The following CHMP3 variants were observed in gnomAD, a reference collection of about 807,000 sequenced individuals.
CHMP3 encodes the protein 25.1 protein.
CHMP3 carries 8 observed loss-of-function variants against 27.4 expected under a neutral mutation model. That is an observed-to-expected ratio of 0.29 (90% CI 0.17 to 0.53). CHMP3 has a LOEUF of 0.53. CHMP3 is among the 20% of genes least tolerant of loss of function. The pLI is 0.96. For missense variants in CHMP3, 208 were observed against 271.5 expected (o/e 0.77, Z 1.64); for synonymous variants, 86 against 85.5 (o/e 1.01, Z -0.03).
intron 2 of CHMP3, among the ~76,000 whole-genome samples, chr2:86,530,796 A>C (rs987937988): frequency 6.6e-6 from 1 of 152,236 alleles, no homozygotes; most frequent in Non-Finnish European, 1.5e-5. Context: ...AACAGTATAC[A>C]AAGTTCCAAT....
intron 1 of CHMP3, among the ~76,000 whole-genome samples, chr2:86,554,616 C>T (rs183873069): frequency 6.6e-6 from 1 of 152,270 alleles, no homozygotes; most frequent in Non-Finnish European, 1.5e-5. Context: ...CAAATCAGTT[C>T]AATCCCTTTA....
intron 3 of CHMP3, among the ~76,000 whole-genome samples, chr2:86,519,059 C>A (rs1220486005): frequency 2.0e-5 from 3 of 152,122 alleles, no homozygotes; most frequent in Non-Finnish European, 1.5e-5. Context: ...CTCCATGTGG[C>A]TGTTTCTTAT....
At chr2:86,559,232 T>C (rs549607121) in intron 1 of CHMP3, among the ~76,000 whole-genome samples, 1 of 152,234 alleles carries the variant, frequency 6.6e-6, no homozygotes, top group Non-Finnish European at 1.5e-5. Context: ...ACCCGTCTCC[T>C]GCTCTTAGAC....
intron 1 of CHMP3, among the ~76,000 whole-genome samples, chr2:86,543,445 G>A (rs76417413): frequency 0.046 from 7,048 of 152,252 alleles, 225 homozygotes; most frequent in Non-Finnish European, 0.064. Flanking sequence ...TATCACAAAA[G>A]ATTCTGCAAA....
At chr2:86,509,420 T>G (rs1480171689) in intron 4 of CHMP3, among the ~76,000 whole-genome samples, 1 of 152,182 alleles carries the variant, frequency 6.6e-6, no homozygotes, top group African/African-American at 2.4e-5. Context: ...TTCTATGTCA[T>G]TTTTCTGCAA....
At chr2:86,529,088 A>G in intron 3 of CHMP3, 130 bp downstream of exon 3, 1 of 1,038,360 alleles carries the variant, frequency 9.6e-7, no homozygotes, top group Non-Finnish European at 1.3e-6. Flanking sequence ...TTGCATTTCT[A>G]CAACACTCAA....
intron 1 of CHMP3, among the ~76,000 whole-genome samples, chr2:86,554,849 ATTTT>A (rs70956122): frequency 7.8e-6 from 1 of 127,792 alleles, no homozygotes; most frequent in Non-Finnish European, 1.6e-5. Context: ...GTGTGTGTAG[ATTTT>A]TTTTTTTTTT....
At chr2:86,559,423 A>G (rs2104064508) in intron 1 of CHMP3, among the ~76,000 whole-genome samples, 2 of 152,296 alleles carry the variant, frequency 1.3e-5, no homozygotes, top group South Asian at 2.1e-4. Flanking sequence ...GTCAATTTCC[A>G]TATTAAATTC....
chr2:86,537,155 G>T (rs750915712), intron 2 of CHMP3, among the ~76,000 whole-genome samples: 3 of 152,158 alleles, frequency 2.0e-5, no homozygotes, highest in Non-Finnish European at 4.4e-5. Flanking sequence ...GTTAGCCATT[G>T]CACCCAGTCT....
intron 2 of CHMP3, among the ~76,000 whole-genome samples, chr2:86,530,745 T>G (rs1392980261): frequency 6.6e-6 from 1 of 152,228 alleles, no homozygotes; most frequent in Non-Finnish European, 1.5e-5. Flanking sequence ...GGAACAGCTG[T>G]ACTGTTTTTC....
At position 86,545,923 on chromosome 2, in the gene CHMP3, C is replaced by T. The variant is rs558383063; in HGVS notation, c.46-3611G>A. 1.4e-4 allele frequency among the ~76,000 whole-genome samples: 21 copies of T among 151,906 alleles called. 1 individual carries two copies. The Middle Eastern group carries it at 0.01, about 74-fold the overall frequency. ...GGCTCCTCACATCCCAGAGGATGGG[C>T]GGCCAGGCAGAGACACTCCTCACTT... On this transcript the variant is annotated intron_variant, in intron 1 of 5. Coordinates refer to ENST00000263856, the MANE Select transcript of CHMP3 (RefSeq NM_016079.4).
intron 3 of CHMP3, among the ~76,000 whole-genome samples, chr2:86,516,632 AC>A (rs1314659389): frequency 2.6e-5 from 4 of 152,266 alleles, no homozygotes; most frequent in Non-Finnish European, 5.9e-5. Flanking sequence ...GAGAAGGCCT[AC>A]AATGGGTAAA....
intron 1 of CHMP3, among the ~76,000 whole-genome samples, chr2:86,549,934 T>G (rs1007956016): frequency 5.0e-5 from 7 of 139,218 alleles, no homozygotes; most frequent in East Asian, 2.4e-4. Context: ...TCCCAGACAA[T>G]GGGCGGCTGG....
At position 86,563,372 on chromosome 2, in the gene CHMP3, C is replaced by A. The variant is rs756070143; in HGVS notation, c.-24G>T. The A allele has an allele frequency of 6.2e-7, 1 of 1,612,922 alleles. No individual in the cohort carries two copies. Among genetic ancestry groups the A allele is most frequent in the Admixed American group, 1.7e-5 (1 of 59,922 alleles). On this transcript the variant is annotated 5_prime_UTR_variant, in exon 1 of 6. It adds an upstream start codon to the 5' untranslated region. Coordinates refer to ENST00000263856, the MANE Select transcript of CHMP3 (RefSeq NM_016079.4). ...ATGACGAACTGAACCCGTCTTGCCC[C>A]TTCCGGCTTTCAGTTCCCCGCGCCC...
chr2:86,507,669 C>T (rs1046312357), intron 4 of CHMP3, 76 bp from the exon 5 acceptor site: 24 of 1,282,532 alleles, frequency 1.9e-5, no homozygotes, highest in Middle Eastern at 1.9e-4. Context: ...TCACCTAGAC[C>T]GAGCTCTAGC....
intron 3 of CHMP3, among the ~76,000 whole-genome samples, chr2:86,517,444 T>TAGTCC (rs1432618298): frequency 5.9e-5 from 9 of 151,382 alleles, no homozygotes; most frequent in African/African-American, 2.2e-4. Flanking sequence ...CGGGCACCTG[T>TAGTCC]AGTCCCAGCT....
intron 3 of CHMP3, among the ~76,000 whole-genome samples, chr2:86,513,579 T>C (rs550194415): frequency 6.6e-6 from 1 of 152,322 alleles, no homozygotes; most frequent in East Asian, 1.9e-4. Flanking sequence ...TGACAGTGAA[T>C]GAGGCTATGC....
In CHMP3 at chr2:86,558,416, T is replaced by C. The variant is rs141656530; in HGVS notation, c.45+4888A>G. Among the ~76,000 whole-genome samples, 402 of 152,346 alleles carry C rather than the reference T, an allele frequency of 2.6e-3. 3 individuals are homozygous for C. Among genetic ancestry groups the C allele is most frequent in the African/African-American group, 9.2e-3 (383 of 41,586 alleles). ...TTTCCCTAGAGAGTTCCTTGAAACA[T>C]TGCTCATCTTGGGACTACCTGACCT... On this transcript the variant is annotated intron_variant, in intron 1 of 5. Coordinates refer to ENST00000263856, the MANE Select transcript of CHMP3 (RefSeq NM_016079.4).
chr2:86,516,252 A>G (rs536927821), intron 3 of CHMP3, among the ~76,000 whole-genome samples: 164 of 152,228 alleles, frequency 1.1e-3, no homozygotes, highest in Non-Finnish European at 1.7e-3. Flanking sequence ...GAACATCCAC[A>G]TACTGGTGAC....
Sources: allele counts gnomAD v4.1 joint callset (sites outside exome capture counted in the v4.1 genomes callset), GRCh38; gene constraint gnomAD v4.1.1; transcripts MANE v1.5; gene names NCBI Gene and HGNC (gene_info 2026-07-23, HGNC 2026-07-21).